The following TENT5D variants were observed in gnomAD, a reference collection of about 807,000 sequenced individuals.
TENT5D encodes the protein terminal nucleotidyltransferase 5D, also known as cancer/testis antigen 112.
For missense variants in TENT5D, 191 were observed against 287.0 expected (o/e 0.67, Z 2.42); for synonymous variants, 103 against 100.6 (o/e 1.02, Z -0.15).
chrX:80,428,608 G>A (rs949287356), intron 1 of TENT5D, among the ~76,000 whole-genome samples: 13 of 112,256 alleles, frequency 1.2e-4, no homozygotes, highest in African/African-American at 3.9e-4. Context: ...TGAGTTTTAC[G>A]TTCTTAAGTT....
At chrX:80,360,900 G>C (rs763416072) in intron 3 of TENT5D, among the ~76,000 whole-genome samples, 2 of 112,034 alleles carry the variant, frequency 1.8e-5, no homozygotes, top group Non-Finnish European at 3.8e-5. Flanking sequence ...ATCTTAAAAA[G>C]CTGGACATGG....
At chrX:80,408,962 G>A (rs1196559847) in intron 3 of TENT5D, among the ~76,000 whole-genome samples, 24 of 111,182 alleles carry the variant, frequency 2.2e-4, no homozygotes, top group African/African-American at 7.2e-4. Flanking sequence ...ATCAATAAAC[G>A]TAATTCAGCA....
intron 2 of TENT5D, among the ~76,000 whole-genome samples, chrX:80,439,546 G>T (rs190074495): frequency 1.1e-3 from 118 of 111,157 alleles, no homozygotes; most frequent in African/African-American, 3.5e-3. Context: ...TTACTTTAAT[G>T]CCATATTTGA....
intron 1 of TENT5D, among the ~76,000 whole-genome samples, chrX:80,429,797 G>A (rs1019781244): frequency 9.0e-6 from 1 of 111,135 alleles, no homozygotes; most frequent in Non-Finnish European, 1.9e-5. Flanking sequence ...GATACCAGGG[G>A]CTTCCTGAGT....
exon 3 of TENT5D, chrX:80,443,914 A>C: frequency 2.9e-6 from 1 of 347,835 alleles, no homozygotes; most frequent in Non-Finnish European, 5.1e-6. Flanking sequence ...AACCACTTTA[A>C]ATGTTTTTCA....
At position 80,442,948 on chromosome X, in the gene TENT5D, G is replaced by A. The variant is rs758997189; in HGVS notation, c.409G>A (p.Val137Ile). 5 of 1,211,256 alleles carry A rather than the reference G, an allele frequency of 4.1e-6. No homozygotes were observed. The East Asian group carries it at 8.9e-5, about 21-fold the overall frequency. ...CGCTTACGTACAGAAATTGGTCAAGGTTTGCAATGGGCATGATTGTTGGAG... is the reference window on the plus strand; with the variant it reads ...CGCTTACGTACAGAAATTGGTCAAGATTTGCAATGGGCATGATTGTTGGAG... The change falls in exon 3 of 3, where the codon GTT (valine) becomes ATT (isoleucine). Residue 137 changes from valine (V) to isoleucine (I), a missense_variant. Coordinates refer to ENST00000308293, the Ensembl canonical transcript of TENT5D.
intron 1 of TENT5D, among the ~76,000 whole-genome samples, chrX:80,432,208 G>C (rs1476332744): frequency 6.3e-5 from 7 of 111,513 alleles, no homozygotes; most frequent in Admixed American, 2.9e-4. Flanking sequence ...AAAAAGACTG[G>C]AAGTCCTTTT....
intron 1 of TENT5D, among the ~76,000 whole-genome samples, chrX:80,432,801 G>A (rs954129854): frequency 9.0e-6 from 1 of 111,019 alleles, no homozygotes; most frequent in African/African-American, 3.3e-5. Flanking sequence ...GCAGCAGAGA[G>A]GGGTGCCCAA....
At chrX:80,442,694 T>C (rs1932309963) in exon 3 of TENT5D, 3 of 1,210,963 alleles carry the variant, frequency 2.5e-6, no homozygotes, top group Non-Finnish European at 2.2e-6. Flanking sequence ...GATCAACTCA[T>C]AGGGCAAGGA....
chrX:80,382,711 C>CT (rs1012553169), intron 3 of TENT5D, among the ~76,000 whole-genome samples: 5 of 109,688 alleles, frequency 4.6e-5, no homozygotes, highest in African/African-American at 1.7e-4. Flanking sequence ...GACGCCCCCC[C>CT]CCCACTGCCA....
intron 2 of TENT5D, among the ~76,000 whole-genome samples, chrX:80,339,065 AAAC>A (rs1929906876): frequency 9.0e-6 from 1 of 111,624 alleles, no homozygotes; most frequent in African/African-American, 3.3e-5. Context: ...CCAATTAGAA[AAAC>A]AACAAAAAAA....
chrX:80,439,986 G>T (rs1384152163), intron 2 of TENT5D, among the ~76,000 whole-genome samples: 1 of 110,596 alleles, frequency 9.0e-6, no homozygotes, highest in Non-Finnish European at 1.9e-5. Flanking sequence ...CATAGTTATG[G>T]CTAGAGAAAG....
In TENT5D at chrX:80,349,195, C is replaced by T. The variant is rs185516338; in HGVS notation, c.-142+6631C>T. ...CATAAAATGAGTTAGCGGGGAGTCC[C>T]TCTTTTTCTATTGTTTGGAATAGTT... On this transcript the variant is annotated intron_variant, in intron 3 of 4. Transcript: ENST00000538312. Among the ~76,000 whole-genome samples the T allele has an allele frequency of 4.5e-5, 5 of 112,119 alleles. No individual in the cohort carries two copies. The Admixed American group carries it at 4.7e-4, about 11-fold the overall frequency.
chrX:80,354,666 C>A (rs1366979767), intron 3 of TENT5D, among the ~76,000 whole-genome samples: 1 of 111,872 alleles, frequency 8.9e-6, no homozygotes, highest in Non-Finnish European at 1.9e-5. Context: ...ATTCTGAATT[C>A]TATGCCTGTC....
chrX:80,431,189 C>A (rs989972486), intron 1 of TENT5D, among the ~76,000 whole-genome samples: 4 of 111,629 alleles, frequency 3.6e-5, no homozygotes, highest in Admixed American at 1.9e-4. Context: ...GGGGACAGTA[C>A]CAAGGCTGGA....
intron 3 of TENT5D, among the ~76,000 whole-genome samples, chrX:80,347,184 T>C (rs1039729587): frequency 8.9e-6 from 1 of 111,742 alleles, no homozygotes; most frequent in Non-Finnish European, 1.9e-5. Flanking sequence ...ATCCTGTGGG[T>C]ATATACCCAG....
chrX:80,372,657 C>A (rs188942913), intron 3 of TENT5D, among the ~76,000 whole-genome samples: 8 of 110,370 alleles, frequency 7.2e-5, no homozygotes, highest in Non-Finnish European at 1.3e-4. Flanking sequence ...GAGGCTGAGG[C>A]GTGCAGATCA....
At chrX:80,392,118 A>T (rs1234038868) in intron 3 of TENT5D, among the ~76,000 whole-genome samples, 1 of 112,231 alleles carries the variant, frequency 8.9e-6, no homozygotes, top group Non-Finnish European at 1.9e-5. Context: ...TATCTGCCTC[A>T]AATGATAGCT....
chrX:80,397,040 C>A (rs1165677092), intron 3 of TENT5D, among the ~76,000 whole-genome samples: 84 of 97,157 alleles, frequency 8.6e-4, no homozygotes, highest in Non-Finnish European at 1.2e-3. Flanking sequence ...CTGACCCCCA[C>A]CTCCCTCCCA....
Sources: allele counts gnomAD v4.1 joint callset (sites outside exome capture counted in the v4.1 genomes callset), GRCh38; gene constraint gnomAD v4.1.1; transcripts MANE v1.5; gene names NCBI Gene and HGNC (gene_info 2026-07-23, HGNC 2026-07-21).